The following TCF4 variants were observed in gnomAD, a reference collection of about 807,000 sequenced individuals.
TCF4 encodes the protein SL3-3 enhancer factor 2.
In TCF4, 3 loss-of-function variants were observed where a neutral mutation model predicts 82.1. That is an observed-to-expected ratio of 0.04 (90% CI 0.02 to 0.09). The LOEUF is 0.09. Ranked by LOEUF, TCF4 falls within the 10% of genes least tolerant of loss-of-function variation. The pLI is 1.00. For synonymous variants in TCF4, 276 were observed against 309.6 expected (o/e 0.89, Z 1.14); for missense variants, 518 against 852.7 (o/e 0.61, Z 4.89).
intron 6 of TCF4, among the ~76,000 whole-genome samples, chr18:55,373,738 G>A (rs577621779): frequency 7.2e-5 from 11 of 151,934 alleles, no homozygotes; most frequent in African/African-American, 1.5e-4. Context: ...GCTTGAAACC[G>A]GGAGCCGGAG....
intron 6 of TCF4, among the ~76,000 whole-genome samples, chr18:55,367,685 T>C (rs1187321618): frequency 6.6e-6 from 1 of 152,184 alleles, no homozygotes; most frequent in East Asian, 1.9e-4. Context: ...GGAAATATAT[T>C]AGAAGAGTAG....
chr18:55,585,861 A>ACTCT, intron 2 of TCF4: 1 of 1,153,828 alleles, frequency 8.7e-7, no homozygotes, highest in Non-Finnish European at 1.1e-6. Context: ...TTGAAGCAAG[A>ACTCT]CTCTCTCTCT....
chr18:55,415,231 ACTAT>A (rs1447743719), intron 5 of TCF4, among the ~76,000 whole-genome samples: 3 of 152,224 alleles, frequency 2.0e-5, no homozygotes, highest in African/African-American at 7.2e-5. Flanking sequence ...AACTATCAGG[ACTAT>A]CTATTTACCA....
intron 3 of TCF4, among the ~76,000 whole-genome samples, chr18:55,565,997 G>A (rs1201148629): frequency 2.0e-5 from 3 of 148,516 alleles, no homozygotes; most frequent in Admixed American, 1.4e-4. Context: ...TCAGGAGATC[G>A]AGACCATCCT....
rs2046441944 is a variant in TCF4, at chr18:55,225,228, A to G, written c.*2807T>C. 2 of 152,650 alleles carry G rather than the reference A, an allele frequency of 1.3e-5. No individual in the cohort carries two copies. Among genetic ancestry groups the G allele is most frequent in the Non-Finnish European group, 2.9e-5 (2 of 68,018 alleles). The allele number at this position is 152,650 out of a possible 1,614,324, so 9.5% of individuals were successfully genotyped here. On this transcript the variant is annotated 3_prime_UTR_variant, in exon 20 of 20. Coordinates refer to ENST00000354452, the MANE Select transcript of TCF4 (RefSeq NM_001083962.2). The stretch of plus-strand genomic sequence containing the variant: ...GGGAATTCAACAATAGAGGTATTGC[A>G]TTACTGAGTAATGAATACATCAAAG...
chr18:55,517,677 T>A (rs2096896088), intron 3 of TCF4, among the ~76,000 whole-genome samples: 2 of 152,116 alleles, frequency 1.3e-5, no homozygotes, highest in Non-Finnish European at 2.9e-5. Flanking sequence ...ACTAAAGGTG[T>A]CTTCAAATGA....
chr18:55,536,416 T>C (rs375291634), intron 3 of TCF4, among the ~76,000 whole-genome samples: 3 of 152,278 alleles, frequency 2.0e-5, no homozygotes, highest in Admixed American at 6.5e-5. Flanking sequence ...CATAGCTCTA[T>C]AGGAACAAAT....
At chr18:55,297,316 A>G (rs1341458330) in intron 8 of TCF4, among the ~76,000 whole-genome samples, 1 of 151,496 alleles carries the variant, frequency 6.6e-6, no homozygotes, top group East Asian at 1.9e-4. Context: ...TCTGAGTATA[A>G]TTCTTTCATT....
intron 3 of TCF4, among the ~76,000 whole-genome samples, chr18:55,500,359 G>C (rs1223574454): frequency 6.6e-6 from 1 of 152,190 alleles, no homozygotes; most frequent in East Asian, 1.9e-4. Flanking sequence ...TGGAGGAGGG[G>C]AGAAGTATTT....
intron 8 of TCF4, among the ~76,000 whole-genome samples, chr18:55,300,442 A>T (rs2067877441): frequency 4.2e-5 from 1 of 23,966 alleles, no homozygotes; most frequent in Non-Finnish European, 1.1e-4. Flanking sequence ...GGGAGGGGTA[A>T]GTGGGGGAGG....
chr18:55,586,141 G>GAGGAGGAGGAGA, intron 2 of TCF4: 1 of 1,319,726 alleles, frequency 7.6e-7, no homozygotes. Flanking sequence ...GGAGAAGGAG[G>GAGGAGGAGGAGA]AGGAGGAGGA....
chr18:55,468,126 G>A (rs747822609), intron 3 of TCF4, among the ~76,000 whole-genome samples: 3 of 152,138 alleles, frequency 2.0e-5, no homozygotes, highest in Non-Finnish European at 2.9e-5. Flanking sequence ...CCCAACTCTT[G>A]TGTCCACAAA....
At chr18:55,380,934 T>C (rs1801551063) in intron 6 of TCF4, among the ~76,000 whole-genome samples, 1 of 152,236 alleles carries the variant, frequency 6.6e-6, no homozygotes, top group Non-Finnish European at 1.5e-5. Context: ...CTGTGTGATC[T>C]AGAGGATACT....
intron 10 of TCF4, among the ~76,000 whole-genome samples, chr18:55,275,292 A>AAC (rs1568617203): frequency 1.3e-5 from 2 of 150,536 alleles, no homozygotes; most frequent in Non-Finnish European, 3.0e-5. Context: ...AAAAAAAAAA[A>AAC]AAAAAACCAG....
rs373631326 is a variant in TCF4, at chr18:55,632,459, T to G, written c.196-1071A>C. Among the ~76,000 whole-genome samples the G allele has an allele frequency of 7.2e-4, 110 of 152,300 alleles. 3 individuals carry two copies. In the South Asian group the frequency reaches 0.022, roughly 30 times the overall value. ...CAATATTCAGGGAGACGATGGAGTT[T>G]TTTGAGAGTTGAAGAGCTATATGTC... On this transcript the variant is annotated intron_variant, in intron 1 of 20. Coordinates refer to the TCF4 transcript ENST00000398339.
At chr18:55,587,551 CT>C (rs1253655240) in intron 1 of TCF4, among the ~76,000 whole-genome samples, 1 of 151,496 alleles carries the variant, frequency 6.6e-6, no homozygotes, top group Non-Finnish European at 1.5e-5. Flanking sequence ...CCGATCTCAA[CT>C]TTCCCCCCAC....
At chr18:55,288,701 G>C (rs1292222521) in intron 8 of TCF4, among the ~76,000 whole-genome samples, 1 of 152,184 alleles carries the variant, frequency 6.6e-6, no homozygotes, top group Non-Finnish European at 1.5e-5. Flanking sequence ...GTTCTTGTGT[G>C]TTACTGCAAG....
intron 2 of TCF4, among the ~76,000 whole-genome samples, chr18:55,622,503 TAA>T (rs765415861): frequency 1.5e-3 from 163 of 110,522 alleles, no homozygotes; most frequent in African/African-American, 4.7e-3. Context: ...GACTCAATCT[TAA>T]AAAAAAAAAA....
chr18:55,476,035 T>A (rs1316023531), intron 3 of TCF4, among the ~76,000 whole-genome samples: 1 of 152,096 alleles, frequency 6.6e-6, no homozygotes, highest in African/African-American at 2.4e-5. Flanking sequence ...ATTTGGTGCC[T>A]CCTCCCACCA....
Sources: gnomAD v4.1 joint callset for allele counts (sites outside exome capture counted in the v4.1 genomes callset) on GRCh38, gnomAD v4.1.1 for gene constraint, MANE v1.5 for transcripts, NCBI Gene and HGNC (gene_info 2026-07-23, HGNC 2026-07-21) for gene names.